AASDH: variants seen among roughly 807,000 people sequenced by gnomAD.
The protein encoded by AASDH is aminoadipate-semialdehyde dehydrogenase, also known as beta-alanine-activating enzyme.
A neutral mutation model predicts 102.3 loss-of-function variants in AASDH; 81 were observed. That is an observed-to-expected ratio of 0.79 (90% CI 0.66 to 0.95). AASDH has a LOEUF of 0.95. Ranked by LOEUF, AASDH falls within the 40% of genes least tolerant of loss-of-function variation. AASDH has a pLI of 0.00. For synonymous variants in AASDH, 398 were observed against 454.0 expected (o/e 0.88, Z 1.57); for missense variants, 1,203 against 1,266.2 (o/e 0.95, Z 0.76).
chr4:56,372,104 AGGGTT>A (rs1751787207), intron 4 of AASDH, among the ~76,000 whole-genome samples: 1 of 152,240 alleles, frequency 6.6e-6, no homozygotes, highest in African/African-American at 2.4e-5. Flanking sequence ...GAGATTATCC[AGGGTT>A]GGCTGGATTT....
chr4:56,352,626 C>A (rs1398467017), intron 9 of AASDH, among the ~76,000 whole-genome samples: 1 of 152,210 alleles, frequency 6.6e-6, no homozygotes, highest in Non-Finnish European at 1.5e-5. Flanking sequence ...AAACTCCCAA[C>A]CTCAAGTGAT....
chr4:56,386,340 A>G (rs1409971983), intron 1 of AASDH, among the ~76,000 whole-genome samples: 5 of 152,194 alleles, frequency 3.3e-5, no homozygotes, highest in Non-Finnish European at 5.9e-5. Flanking sequence ...TACGATAATT[A>G]AGATGTTTCT....
intron 4 of AASDH, among the ~76,000 whole-genome samples, chr4:56,373,546 G>C (rs1342558185): frequency 6.6e-6 from 1 of 152,154 alleles, no homozygotes; most frequent in Non-Finnish European, 1.5e-5. Context: ...AGGTCAGAAA[G>C]AGACTTTACT....
Position 56,349,320 on chromosome 4 carries a change from C to T in AASDH, c.2431G>A (p.Gly811Arg), listed in dbSNP as rs1748689002. ...SGKVKWEQIL[G>R]DRIESSACVS... ...CATGCTGAGGATTCAATTCGATCTC[C>T]CAAAATCTGTTCCCATTTTACCTTC... The change falls in exon 11 of 15, where the codon GGA (glycine) becomes AGA (arginine). Residue 811 changes from glycine to arginine, a missense_variant. Coordinates refer to ENST00000205214, the MANE Select transcript of AASDH (RefSeq NM_181806.4). The T allele has an allele frequency of 6.2e-7, 1 of 1,614,026 alleles. No individual in the cohort carries two copies. The highest frequency in any genetic ancestry group is 8.5e-7 in the Non-Finnish European group (1 of 1,180,038).
intron 3 of AASDH, among the ~76,000 whole-genome samples, chr4:56,380,712 C>T (rs1283646313): frequency 6.6e-6 from 1 of 152,160 alleles, no homozygotes; most frequent in East Asian, 1.9e-4. Context: ...TCATCCTGTC[C>T]GTAGTGCAAG....
At chr4:56,376,388 A>G (rs1054972467) in intron 4 of AASDH, among the ~76,000 whole-genome samples, 1 of 152,072 alleles carries the variant, frequency 6.6e-6, no homozygotes, top group Non-Finnish European at 1.5e-5. Flanking sequence ...TTTCCATTAA[A>G]ACCAGTTTCT....
chr4:56,347,611 T>C (rs992001209), intron 11 of AASDH, among the ~76,000 whole-genome samples: 5 of 152,036 alleles, frequency 3.3e-5, no homozygotes, highest in Non-Finnish European at 7.4e-5. Context: ...TATGAAAAAA[T>C]GCTCACCAGG....
intron 9 of AASDH, among the ~76,000 whole-genome samples, chr4:56,352,553 T>C (rs551130951): frequency 6.6e-6 from 1 of 152,226 alleles, no homozygotes; most frequent in East Asian, 1.9e-4. Context: ...ACCACTGCAA[T>C]CAGCTAATTT....
At chr4:56,368,039 C>G (rs1417584677) in intron 5 of AASDH, among the ~76,000 whole-genome samples, 3 of 152,106 alleles carry the variant, frequency 2.0e-5, no homozygotes, top group Non-Finnish European at 4.4e-5. Context: ...ACAAAAAACC[C>G]CATCAACAAG....
Position 56,375,825 on chromosome 4 carries a change from C to G in AASDH, c.668+2323G>C, listed in dbSNP as rs150981104. Among the ~76,000 whole-genome samples the G allele has an allele frequency of 7.9e-5, 12 of 152,192 alleles. No individual in the cohort carries two copies. In the East Asian group the frequency reaches 2.3e-3, roughly 29 times the overall value. ...CCAAGAAATGTATTTACTTTACTAT[C>G]CTAATCTTTTTGAGGCTATCAAAAA... On this transcript the variant is annotated intron_variant, in intron 4 of 14. Coordinates refer to ENST00000205214, the MANE Select transcript of AASDH (RefSeq NM_181806.4).
rs138117524 is a variant in AASDH, at chr4:56,347,233, T to C, written c.2489-1943A>G. 4.3e-3 allele frequency among the ~76,000 whole-genome samples: 655 copies of C among 152,328 alleles called. 3 individuals are homozygous for C. Among genetic ancestry groups the C allele is most frequent in the Non-Finnish European group, 7.5e-3 (508 of 68,038 alleles). On this transcript the variant is annotated intron_variant, in intron 11 of 14. Coordinates refer to ENST00000205214, the MANE Select transcript of AASDH (RefSeq NM_181806.4). ...TTGATGGTGGAAATGCAAAACACTTTATCACTTTGGGAAACAATTCAGCAG... is the reference window on the plus strand; with the variant it reads ...TTGATGGTGGAAATGCAAAACACTTCATCACTTTGGGAAACAATTCAGCAG...
intron 9 of AASDH, 113 bp from the exon 10 acceptor site, chr4:56,351,570 T>A: frequency 4.9e-6 from 3 of 613,906 alleles, no homozygotes; most frequent in Admixed American, 3.2e-5. Context: ...AGAAATCATA[T>A]AAAGAGTTTG....
chr4:56,346,019 C>T (rs1021788682), intron 11 of AASDH, among the ~76,000 whole-genome samples: 12 of 152,238 alleles, frequency 7.9e-5, no homozygotes, highest in South Asian at 2.1e-4. Context: ...AACAACTAAA[C>T]TGCTTTTCCC....
chr4:56,375,670 C>G (rs1286263066), intron 4 of AASDH, among the ~76,000 whole-genome samples: 1 of 152,270 alleles, frequency 6.6e-6, no homozygotes, highest in Non-Finnish European at 1.5e-5. Flanking sequence ...CCACCTCCCC[C>G]AGATTCCTTA....
At chr4:56,371,766 CTCTT>C (rs1751740624) in intron 4 of AASDH, 123 bp from the exon 5 acceptor site, 1 of 932,480 alleles carries the variant, frequency 1.1e-6, no homozygotes, top group South Asian at 2.3e-5. Context: ...TTATTCTTCT[CTCTT>C]AAATTAGCCA....
At chr4:56,347,101 C>CAA (rs1246511504) in intron 11 of AASDH, among the ~76,000 whole-genome samples, 4 of 150,308 alleles carry the variant, frequency 2.7e-5, no homozygotes, top group African/African-American at 9.8e-5. Flanking sequence ...ATTAAAACCA[C>CAA]AATAAAATTC....
At chr4:56,374,984 A>G (rs1456145795) in intron 4 of AASDH, among the ~76,000 whole-genome samples, 2 of 152,248 alleles carry the variant, frequency 1.3e-5, no homozygotes, top group Non-Finnish European at 2.9e-5. Flanking sequence ...CAAAATTTCA[A>G]TAAAGGAAAC....
rs560228456 is a variant in AASDH at position 56,381,532 on chromosome 4, C to T, written c.351+945G>A. On this transcript the variant is annotated intron_variant, in intron 3 of 14. Transcript: ENST00000205214. The stretch of plus-strand genomic sequence containing the variant: ...GGCGGAGGTTGCAGTGAGCTGAGAT[C>T]GCACCACTGCCCATTGCACTTCAGC... Among the ~76,000 whole-genome samples, 102 of 151,682 alleles carry T rather than the reference C, an allele frequency of 6.7e-4. 1 individual carries two copies. The highest frequency in any genetic ancestry group is 3.9e-3 in the Admixed American group (59 of 15,214).
chr4:56,339,021 T>A (rs1372794245), intron 14 of AASDH, among the ~76,000 whole-genome samples: 1 of 152,238 alleles, frequency 6.6e-6, no homozygotes, highest in East Asian at 1.9e-4. Context: ...TGTTACTATG[T>A]GATTCACTGC....
Sources: allele counts gnomAD v4.1 joint callset (sites outside exome capture counted in the v4.1 genomes callset), GRCh38; gene constraint gnomAD v4.1.1; transcripts MANE v1.5; gene names NCBI Gene and HGNC (gene_info 2026-07-23, HGNC 2026-07-21).